MECOM: variants seen among roughly 807,000 people sequenced by gnomAD.
The protein encoded by MECOM is histone-lysine N-methyltransferase MECOM.
In MECOM, 13 loss-of-function variants were observed where a neutral mutation model predicts 116.3. That is an observed-to-expected ratio of 0.11 (90% CI 0.07 to 0.18). The LOEUF is 0.18. Ranked by LOEUF, MECOM falls within the 10% of genes least tolerant of loss-of-function variation. MECOM has a pLI of 1.00. For missense variants in MECOM, 1,299 were observed against 1,509.0 expected, an observed-to-expected ratio of 0.86 and a Z score of 2.31; for synonymous variants, 528 against 535.2, an observed-to-expected ratio of 0.99 and a Z score of 0.19.
At chr3:169,129,415 A>AT (rs1262050199) in intron 4 of MECOM, among the ~76,000 whole-genome samples, 1 of 14,428 alleles carries the variant, frequency 6.9e-5, no homozygotes, top group Non-Finnish European at 2.0e-4. Flanking sequence ...TTTTAGAAGA[A>AT]TTTTCCCAGT....
At chr3:169,380,119 T>A (rs1372518246) in intron 2 of MECOM, among the ~76,000 whole-genome samples, 2 of 152,116 alleles carry the variant, frequency 1.3e-5, no homozygotes, top group African/African-American at 4.8e-5. Flanking sequence ...TGAAATTAAG[T>A]CCTGAAGGCA....
chr3:169,652,622 C>T (rs1433780150), intron 1 of MECOM, among the ~76,000 whole-genome samples: 1 of 151,876 alleles, frequency 6.6e-6, no homozygotes, highest in African/African-American at 2.4e-5. Flanking sequence ...TGGGGAGGGG[C>T]AGAGAAGAAG....
At chr3:169,113,480 C>T (rs963735717) in intron 8 of MECOM, among the ~76,000 whole-genome samples, 1 of 150,408 alleles carries the variant, frequency 6.6e-6, no homozygotes. Flanking sequence ...AGAATATATG[C>T]TCTTTGGATG....
chr3:169,282,081 C>A (rs750288394), intron 2 of MECOM, among the ~76,000 whole-genome samples: 2 of 152,140 alleles, frequency 1.3e-5, no homozygotes, highest in Admixed American at 6.6e-5. Context: ...CTTACCATTA[C>A]CATATTTTTT....
At chr3:169,261,936 G>C (rs1010335706) in intron 2 of MECOM, among the ~76,000 whole-genome samples, 2 of 152,160 alleles carry the variant, frequency 1.3e-5, no homozygotes, top group Non-Finnish European at 2.9e-5. Flanking sequence ...GCTACAAAGA[G>C]GCCATTTTAA....
intron 2 of MECOM, among the ~76,000 whole-genome samples, chr3:169,271,629 G>A (rs184881123): frequency 2.6e-5 from 4 of 152,174 alleles, no homozygotes; most frequent in Non-Finnish European, 5.9e-5. Context: ...GCTGGGGGAT[G>A]GATAGCATTA....
intron 1 of MECOM, among the ~76,000 whole-genome samples, chr3:169,619,726 C>A (rs537929853): frequency 6.6e-6 from 1 of 152,082 alleles, no homozygotes; most frequent in African/African-American, 2.4e-5. Context: ...TCTGAACAGC[C>A]CTACTCTCCC....
intron 1 of MECOM, among the ~76,000 whole-genome samples, chr3:169,451,440 G>C (rs1311442197): frequency 2.0e-5 from 3 of 152,208 alleles, no homozygotes; most frequent in African/African-American, 7.2e-5. Flanking sequence ...AAAGAGAAGG[G>C]AAAGTAGATA....
At chr3:169,299,404 C>A (rs767651573) in intron 2 of MECOM, among the ~76,000 whole-genome samples, 1 of 152,204 alleles carries the variant, frequency 6.6e-6, no homozygotes, top group Non-Finnish European at 1.5e-5. Context: ...TCACCTGATT[C>A]TACCAGGATC....
Position 169,093,099 on chromosome 3 carries a change from G to A in MECOM, c.3023C>T (p.Thr1008Ile). ...TTCAGAATGAGGCGACGATGTTGCT[G>A]TACCTGTGTGGAGCAGAAAGCCTTT... ...KKHENGNMSG[T>I]ATSSPHSELE... Residue 1008 changes from threonine (T) to isoleucine (I), a missense_variant, in exon 14 of 17, where the codon ACA (threonine) becomes ATA (isoleucine). Coordinates refer to ENST00000651503, the MANE Select transcript of MECOM (RefSeq NM_004991.4). 6.2e-7 allele frequency: 1 copy of A among 1,601,444 alleles called. No individual in the cohort carries two copies.
At chr3:169,437,175 T>G (rs1013978108) in intron 1 of MECOM, among the ~76,000 whole-genome samples, 2 of 152,188 alleles carry the variant, frequency 1.3e-5, no homozygotes, top group Non-Finnish European at 2.9e-5. Flanking sequence ...CTTACAATAT[T>G]AAACTAATAT....
intron 2 of MECOM, among the ~76,000 whole-genome samples, chr3:169,283,035 G>A (rs1353118500): frequency 6.6e-6 from 1 of 151,944 alleles, no homozygotes; most frequent in Non-Finnish European, 1.5e-5. Context: ...ATCACATCTA[G>A]AATTCGAACA....
intron 2 of MECOM, among the ~76,000 whole-genome samples, chr3:169,166,667 C>A (rs531492120): frequency 1.3e-5 from 2 of 152,122 alleles, no homozygotes; most frequent in East Asian, 3.9e-4. Flanking sequence ...TTACATTTAA[C>A]AATAGGTATA....
intron 2 of MECOM, among the ~76,000 whole-genome samples, chr3:169,378,507 AAGAAAGAAAAGAAAGAAAGAAAGAAAG>A (rs1418029495): frequency 1.7e-4 from 5 of 30,102 alleles, no homozygotes; most frequent in African/African-American, 6.7e-4. Flanking sequence ...GAAAGAAAGA[AAGAAAGAAAAGAAAGAAAGAAAGAAAG>A]AAAGAAAGAA....
At chr3:169,110,945 T>C (rs186112322) in intron 9 of MECOM, among the ~76,000 whole-genome samples, 19 of 152,296 alleles carry the variant, frequency 1.2e-4, no homozygotes, top group Admixed American at 4.6e-4. Flanking sequence ...TTTGTGATCC[T>C]TAATTAACTT....
At chr3:169,244,386 A>G (rs1326179114) in intron 2 of MECOM, among the ~76,000 whole-genome samples, 1 of 152,178 alleles carries the variant, frequency 6.6e-6, no homozygotes, top group Non-Finnish European at 1.5e-5. Context: ...AGTTGGCTTA[A>G]CATCTGTGCA....
intron 2 of MECOM, among the ~76,000 whole-genome samples, chr3:169,353,631 T>C (rs1294900651): frequency 6.6e-6 from 1 of 151,842 alleles, no homozygotes; most frequent in African/African-American, 2.4e-5. Context: ...CCAGCTGGTA[T>C]GTAGCCAAAA....
intron 5 of MECOM, 84 bp from the exon 6 acceptor site, chr3:169,122,811 TA>T (rs1181320610): frequency 6.7e-7 from 1 of 1,482,208 alleles, no homozygotes; most frequent in Non-Finnish European, 9.2e-7. Context: ...AACTGGTAAT[TA>T]AAGAAACAAG....
intron 1 of MECOM, among the ~76,000 whole-genome samples, chr3:169,433,898 A>G (rs1742191486): frequency 6.6e-6 from 1 of 152,158 alleles, no homozygotes; most frequent in Non-Finnish European, 1.5e-5. Context: ...GCACCTATCT[A>G]GAGAAAAATC....
Sources: allele counts gnomAD v4.1 joint callset (sites outside exome capture counted in the v4.1 genomes callset), GRCh38; gene constraint gnomAD v4.1.1; transcripts MANE v1.5; gene names NCBI Gene and HGNC (gene_info 2026-07-23, HGNC 2026-07-21).